Variants in TNKS2 observed in about 807,000 individuals in gnomAD.
TNKS2 encodes poly [ADP-ribose] polymerase tankyrase-2.
Under a neutral mutation model 137.6 loss-of-function variants are expected in TNKS2, and 72 were observed. The ratio of observed to expected loss-of-function variants is 0.52; its 90% CI spans 0.43 to 0.64. The LOEUF (loss-of-function observed/expected upper bound fraction) is 0.64. Ranked by LOEUF, TNKS2 falls within the 30% of genes least tolerant of loss-of-function variation. The pLI is 0.00. For synonymous variants in TNKS2, 516 were observed against 512.1 expected (o/e 1.01, Z -0.10); for missense variants, 1,049 against 1,410.2 (o/e 0.74, Z 4.10).
chr10:91,812,855 A>T, intron 1 of TNKS2, 128 bp from the exon 2 acceptor site: 1 of 1,453,298 alleles, frequency 6.9e-7, no homozygotes, highest in Non-Finnish European at 9.1e-7. Flanking sequence ...CCTTTCCATT[A>T]ATTAGTTCTT....
rs74149303 is a variant in TNKS2 at position 91,841,503 on chromosome 10, G to T, written c.1839+55G>T. On this transcript the variant is annotated intron_variant, in intron 15 of 26. Coordinates refer to ENST00000371627, the MANE Select transcript of TNKS2 (RefSeq NM_025235.4). ...ATGAATTACATAGCATATGTTTATGGTTTTCTAAATAATTCTAGTATAAAG... is the reference window on the plus strand; with the variant it reads ...ATGAATTACATAGCATATGTTTATGTTTTTCTAAATAATTCTAGTATAAAG... 1,079 of 1,377,200 alleles carry T rather than the reference G, an allele frequency of 7.8e-4. 6 individuals carry two copies. In the African/African-American group the frequency reaches 0.012, roughly 15 times the overall value. 85.3% of individuals were successfully genotyped at this position (1,377,200 alleles called of 1,614,324 possible).
chr10:91,851,685 A>T (rs1172770783), intron 21 of TNKS2, among the ~76,000 whole-genome samples: 3 of 152,208 alleles, frequency 2.0e-5, no homozygotes, highest in Non-Finnish European at 4.4e-5. Flanking sequence ...CACATTTCTT[A>T]TGGTAATATA....
intron 1 of TNKS2, 53 bp downstream of exon 1, chr10:91,798,942 G>A (rs1844062521): frequency 8.4e-6 from 11 of 1,313,064 alleles, no homozygotes; most frequent in African/African-American, 1.5e-5. Context: ...CTGCGCAGCC[G>A]GGGCCCACAG....
At chr10:91,814,289 G>A (rs1361761855) in intron 2 of TNKS2, among the ~76,000 whole-genome samples, 2 of 152,066 alleles carry the variant, frequency 1.3e-5, no homozygotes, top group African/African-American at 4.8e-5. Context: ...ATAGAGAAAA[G>A]CTTATAGAAT....
chr10:91,858,766 T>C (rs1842779074), intron 24 of TNKS2, among the ~76,000 whole-genome samples: 1 of 152,214 alleles, frequency 6.6e-6, no homozygotes, highest in Non-Finnish European at 1.5e-5. Context: ...CCCAACACTT[T>C]GGGAGGCCAA....
intron 3 of TNKS2, 63 bp downstream of exon 3, chr10:91,817,292 A>C: frequency 8.7e-7 from 1 of 1,153,126 alleles, no homozygotes; most frequent in Non-Finnish European, 1.3e-6. Context: ...CAGGTAGGAA[A>C]TTTGCCTCCT....
At chr10:91,842,125 C>T in intron 15 of TNKS2, 47 bp from the exon 16 acceptor site, 1 of 1,362,988 alleles carries the variant, frequency 7.3e-7, no homozygotes, top group South Asian at 1.3e-5. Flanking sequence ...TGACCAAAGG[C>T]ACATTTAAGC....
intron 1 of TNKS2, chr10:91,812,712 A>G: frequency 4.2e-6 from 4 of 944,972 alleles, no homozygotes; most frequent in Non-Finnish European, 5.0e-6. Context: ...GCTTTCAGTC[A>G]CTTATTTTGT....
At position 91,863,911 on chromosome 10, in the gene TNKS2, G is replaced by C. The variant is rs1842915469; in HGVS notation, c.*912G>C. On this transcript the variant is annotated 3_prime_UTR_variant, in exon 27 of 27. Transcript: ENST00000371627. ...TCTTTTCATGGAACATAAGTAGGAT[G>C]TTACATTTCCAGGGTGGGAAGGGTA... 6.6e-6 allele frequency: 1 copy of C among 151,936 alleles called. No individual in the cohort carries two copies. 9.4% of individuals were successfully genotyped at this position (151,936 alleles called of 1,614,324 possible). A position where few individuals can be genotyped will look rare whatever the true frequency, so the allele number is the denominator to read the frequency against.
At position 91,827,196 on chromosome 10, in the gene TNKS2, A is replaced by T. The variant is rs753653903; in HGVS notation, c.975A>T (p.Arg325Ser). Residue 325 changes from arginine (R) to serine (S), a missense_variant, in exon 8 of 27, where the codon AGA (arginine) becomes AGT (serine). Physicochemically the swap from Arg to Ser is moderately radical, Grantham distance 110. Coordinates refer to ENST00000371627, the MANE Select transcript of TNKS2 (RefSeq NM_025235.4). ...CTCCCACACCACAGTTAAAAGAAAG[A>T]TTAGCATGTGAGTATAAAATTATGA... ...DLAPTPQLKE[R>S]LAYEFKGHSL... is the part of the protein sequence containing the mutation. 1.2e-5 allele frequency: 18 copies of T among 1,547,370 alleles called. No individual in the cohort carries two copies. Among genetic ancestry groups the T allele is most frequent in the Non-Finnish European group, 1.6e-5 (18 of 1,144,204 alleles).
intron 13 of TNKS2, among the ~76,000 whole-genome samples, chr10:91,839,025 G>A (rs536737712): frequency 3.3e-5 from 5 of 151,930 alleles, no homozygotes; most frequent in Non-Finnish European, 7.4e-5. Context: ...CCGCCACCAC[G>A]CCCAGATAAT....
At chr10:91,830,805 G>A (rs545546776) in intron 9 of TNKS2, 118 bp from the exon 10 acceptor site, 172 of 899,570 alleles carry the variant, frequency 1.9e-4, no homozygotes, top group Non-Finnish European at 2.3e-4. Context: ...GCAAAGTTGC[G>A]TCAAAAGTAA....
chr10:91,824,853 A>G (rs749327440), intron 7 of TNKS2, among the ~76,000 whole-genome samples: 1 of 152,208 alleles, frequency 6.6e-6, no homozygotes, highest in Non-Finnish European at 1.5e-5. Context: ...AAGATGGGAG[A>G]GGAGAAAATA....
intron 14 of TNKS2, 144 bp downstream of exon 14, chr10:91,840,850 CA>C (rs1348780477): frequency 1.3e-6 from 1 of 778,542 alleles, no homozygotes; most frequent in East Asian, 2.8e-5. Flanking sequence ...TTCTTAATTT[CA>C]ATTAAGATTT....
At chr10:91,808,683 A>C (rs191504923) in intron 1 of TNKS2, among the ~76,000 whole-genome samples, 1 of 152,172 alleles carries the variant, frequency 6.6e-6, no homozygotes, top group Non-Finnish European at 1.5e-5. Context: ...GAAATATGTT[A>C]AGCAAACATT....
chr10:91,826,882 C>T, intron 7 of TNKS2, 135 bp from the exon 8 acceptor site: 1 of 793,490 alleles, frequency 1.3e-6, no homozygotes, highest in Non-Finnish European at 1.8e-6. Context: ...TATACTCATT[C>T]TGAAATAATT....
intron 9 of TNKS2, 69 bp downstream of exon 9, chr10:91,828,475 AC>A: frequency 7.5e-7 from 1 of 1,335,390 alleles, no homozygotes; most frequent in Non-Finnish European, 9.8e-7. Context: ...ATAATATCCT[AC>A]TTTTAGAACT....
intron 2 of TNKS2, among the ~76,000 whole-genome samples, chr10:91,816,861 T>G (rs1487023695): frequency 6.6e-6 from 1 of 152,208 alleles, no homozygotes. Context: ...TTATCTATCC[T>G]TAGTCACTTG....
intron 1 of TNKS2, among the ~76,000 whole-genome samples, chr10:91,810,930 TTTTTTTTTTTTTTGAGATGGAGTCTCAC>T (rs1275593528): frequency 2.6e-5 from 3 of 115,292 alleles, no homozygotes; most frequent in Non-Finnish European, 5.4e-5. Context: ...CTTTTTTTTT[TTTTTTTTTTTTTTGAGATGGAGTCTCAC>T]TCTGTCACCC....
Sources: allele counts gnomAD v4.1 joint callset (sites outside exome capture counted in the v4.1 genomes callset), GRCh38; gene constraint gnomAD v4.1.1; transcripts MANE v1.5; gene names NCBI Gene and HGNC (gene_info 2026-07-23, HGNC 2026-07-21).